The following RBM11 variants were observed in gnomAD, a reference collection of about 807,000 sequenced individuals.
RBM11 encodes RNA binding motif protein 11.
Under a neutral mutation model 21.4 loss-of-function variants are expected in RBM11, and 18 were observed. That is an observed-to-expected ratio of 0.84 (90% CI 0.58 to 1.25). The LOEUF is 1.25. Ranked by LOEUF, RBM11 falls within the 50% of genes most tolerant of loss-of-function variation. The probability of loss-of-function intolerance (pLI) is 0.00; values close to 1 mark genes in which losing one functional copy is unlikely to be tolerated. For synonymous variants in RBM11, 120 were observed against 116.3 expected, an observed-to-expected ratio of 1.03 and a Z score of -0.20; for missense variants, 294 against 331.9, an observed-to-expected ratio of 0.89 and a Z score of 0.89.
rs568650338 is a variant in RBM11, at chr21:14,225,456, A to G, written c.432+919A>G. Among the ~76,000 whole-genome samples the G allele has an allele frequency of 2.0e-5, 3 of 152,268 alleles. No homozygotes were observed. In the East Asian group the frequency reaches 5.8e-4, roughly 29 times the overall value. ...TTTTTTTTAATTCCTCATAAATAAG[A>G]AATTGAAGTCCAGGGTTGTTAATCT... On this transcript the variant is annotated intron_variant, in intron 4 of 4. Transcript: ENST00000400577.
At chr21:14,218,659 G>A (rs1350375678) in intron 1 of RBM11, among the ~76,000 whole-genome samples, 1 of 152,112 alleles carries the variant, frequency 6.6e-6, no homozygotes, top group East Asian at 1.9e-4. Context: ...TTTTTCTTTA[G>A]AGTAAAAGCA....
intron 2 of RBM11, 104 bp from the exon 3 acceptor site, chr21:14,220,993 A>G: frequency 3.4e-6 from 4 of 1,176,420 alleles, no homozygotes; most frequent in Non-Finnish European, 4.7e-6. Flanking sequence ...GAATTTTAAA[A>G]TCACTACTAC....
chr21:14,218,868 T>C (rs1367391210), intron 1 of RBM11, among the ~76,000 whole-genome samples: 4 of 152,112 alleles, frequency 2.6e-5, no homozygotes, highest in Non-Finnish European at 2.9e-5. Flanking sequence ...TTGCATATTA[T>C]AGGTTTTTCT....
chr21:14,216,331 G>C (rs1436027349), intron 1 of RBM11, 49 bp downstream of exon 1: 2 of 1,537,612 alleles, frequency 1.3e-6, no homozygotes, highest in Non-Finnish European at 1.8e-6. Context: ...CGTCGGGCCG[G>C]AAACATAGCG....
chr21:14,216,381 A>T lies in RBM11; in HGVS notation c.96+99A>T. On this transcript the variant is annotated intron_variant, in intron 1 of 4. Transcript: ENST00000400577. ...CCGGAGCCCGGCCCCCTTCCGTCCC[A>T]TCCTGAGCAGGGGTTTTAATTTCGT... The T allele has an allele frequency of 7.3e-6, 7 of 957,852 alleles. No individual in the cohort carries two copies. In the South Asian group the frequency reaches 8.7e-5, roughly 12 times the overall value. The allele number at this position is 957,852 out of a possible 1,614,324, so 59.3% of individuals were successfully genotyped here.
At chr21:14,222,643 A>G (rs1978769044) in intron 3 of RBM11, among the ~76,000 whole-genome samples, 1 of 152,162 alleles carries the variant, frequency 6.6e-6, no homozygotes, top group Non-Finnish European at 1.5e-5. Context: ...GTGAAATTAG[A>G]TTGCCTGAAT....
At chr21:14,223,429 A>G (rs1568899750) in intron 3 of RBM11, among the ~76,000 whole-genome samples, 1 of 152,190 alleles carries the variant, frequency 6.6e-6, no homozygotes, top group Non-Finnish European at 1.5e-5. Context: ...CAAACAGAGT[A>G]CTTAAGCAAT....
chr21:14,224,165 A>C (rs1427359618), intron 3 of RBM11, among the ~76,000 whole-genome samples: 2 of 152,148 alleles, frequency 1.3e-5, no homozygotes, highest in Non-Finnish European at 2.9e-5. Context: ...TTAGGCACCC[A>C]TCCTGTTCCA....
intron 3 of RBM11, 171 bp downstream of exon 3, chr21:14,221,340 T>A: frequency 2.4e-6 from 2 of 829,904 alleles, no homozygotes; most frequent in Non-Finnish European, 3.4e-6. Flanking sequence ...TATTTTCATT[T>A]AAAATTCAGT....
At chr21:14,222,667 C>A (rs1009749916) in intron 3 of RBM11, among the ~76,000 whole-genome samples, 2 of 152,192 alleles carry the variant, frequency 1.3e-5, no homozygotes, top group Non-Finnish European at 2.9e-5. Context: ...CATGTTAGCT[C>A]TGCCACTTTA....
chr21:14,221,476 G>A (rs1978661317), intron 3 of RBM11: 1 of 186,076 alleles, frequency 5.4e-6, no homozygotes, highest in African/African-American at 2.4e-5. Flanking sequence ...CAGGGATACT[G>A]TTATTTATAT....
chr21:14,222,351 T>C (rs576102354), intron 3 of RBM11, among the ~76,000 whole-genome samples: 1 of 152,286 alleles, frequency 6.6e-6, no homozygotes, highest in Non-Finnish European at 1.5e-5. Flanking sequence ...GCTACATTTC[T>C]AATGTTTATC....
intron 2 of RBM11, among the ~76,000 whole-genome samples, chr21:14,220,666 T>C (rs1978592847): frequency 6.6e-6 from 1 of 152,182 alleles, no homozygotes; most frequent in Non-Finnish European, 1.5e-5. Flanking sequence ...TTACTTTTAA[T>C]GTCTGTAGAA....
Position 14,219,687 on chromosome 21 carries a change from G to A in RBM11, c.221G>A (p.Arg74His), listed in dbSNP as rs766327079. The change falls in exon 2 of 5, where the codon CGT (arginine) becomes CAT (histidine). Residue 74 changes from arginine to histidine, a missense_variant. Physicochemically the swap from Arg to His is conservative, Grantham distance 29. Coordinates refer to ENST00000400577, the MANE Select transcript of RBM11 (RefSeq NM_144770.5). Reference protein sequence around the residue: ...SYAIALLNGIRLYGRPINVQY... With the variant: ...SYAIALLNGIHLYGRPINVQY... ...GCCATAGCTTTGCTGAATGGAATTC[G>A]TTTATATGGAAGACCAATTAACGTG... is the stretch of plus-strand genomic sequence containing the variant. 57 of 1,605,870 alleles carry A rather than the reference G, an allele frequency of 3.5e-5. No homozygotes were observed. In the Middle Eastern group the frequency reaches 5.0e-4, roughly 14 times the overall value.
chr21:14,223,872 C>T (rs1278759836), intron 3 of RBM11, among the ~76,000 whole-genome samples: 1 of 152,140 alleles, frequency 6.6e-6, no homozygotes, highest in Non-Finnish European at 1.5e-5. Flanking sequence ...CTCTCGTGAG[C>T]TCCTCCTGCC....
chr21:14,225,139 G>C (rs957380003), intron 4 of RBM11, among the ~76,000 whole-genome samples: 6 of 152,034 alleles, frequency 3.9e-5, no homozygotes, highest in Admixed American at 6.6e-5. Flanking sequence ...TTGCAGAATT[G>C]CATAATTTGA....
chr21:14,227,391 G>T lies in RBM11; in HGVS notation c.*98G>T, dbSNP rs546556932. Reference sequence around the variant, plus strand: ...AAATAAACAATGTCATGGCTATCTTGTCTTTTGAAATATGTAGTAATAAGA... The same window carrying T: ...AAATAAACAATGTCATGGCTATCTTTTCTTTTGAAATATGTAGTAATAAGA... On this transcript the variant is annotated 3_prime_UTR_variant, in exon 5 of 5. Transcript: ENST00000400577. 7.7e-7 allele frequency: 1 copy of T among 1,300,888 alleles called. No homozygotes were observed. The highest frequency in any genetic ancestry group is 1.0e-6 in the Non-Finnish European group (1 of 961,456). The allele number at this position is 1,300,888 out of a possible 1,614,324, so 80.6% of individuals were successfully genotyped here.
At position 14,223,045 on chromosome 21, in the gene RBM11, C is replaced by T. The variant is rs560412183; in HGVS notation, c.333-1393C>T. ...GAACAAGCTATTGGTAAGATTTAGA[C>T]GGAAGAGAAAAGACTAGATGGGCAC... On this transcript the variant is annotated intron_variant, in intron 3 of 4. Transcript: ENST00000400577. Among the ~76,000 whole-genome samples, 18 of 152,140 alleles carry T rather than the reference C, an allele frequency of 1.2e-4. 1 individual carries two copies. In the East Asian group the frequency reaches 2.3e-3, roughly 20 times the overall value.
chr21:14,224,293 C>T, intron 3 of RBM11, 145 bp from the exon 4 acceptor site: 6 of 1,227,226 alleles, frequency 4.9e-6, no homozygotes, highest in Non-Finnish European at 5.5e-6. Context: ...CATGTCAGCC[C>T]ATCACACTTC....
Sources: gnomAD v4.1 joint callset for allele counts (sites outside exome capture counted in the v4.1 genomes callset) on GRCh38, gnomAD v4.1.1 for gene constraint, MANE v1.5 for transcripts, NCBI Gene and HGNC (gene_info 2026-07-23, HGNC 2026-07-21) for gene names.